Variants in CACNG3 observed in about 807,000 individuals in gnomAD.
The protein encoded by CACNG3 is calcium voltage-gated channel auxiliary subunit gamma 3, also known as voltage-dependent calcium channel gamma-3 subunit.
A neutral mutation model predicts 28.5 loss-of-function variants in CACNG3; 3 were observed. That is an observed-to-expected ratio of 0.11 (90% CI 0.05 to 0.27). The LOEUF is 0.27. Among genes scored for constraint, CACNG3 ranks in the 10% least tolerant of loss-of-function variants. The probability of loss-of-function intolerance (pLI) is 1.00; values close to 1 mark genes in which losing one functional copy is unlikely to be tolerated. For missense variants in CACNG3, 236 were observed against 414.4 expected, an observed-to-expected ratio of 0.57 and a Z score of 3.74; for synonymous variants, 174 against 162.2, an observed-to-expected ratio of 1.07 and a Z score of -0.55.
At chr16:24,351,875 C>G (rs1413242281) in intron 2 of CACNG3, among the ~76,000 whole-genome samples, 1 of 139,374 alleles carries the variant, frequency 7.2e-6, no homozygotes, top group Non-Finnish European at 1.5e-5. Context: ...CGCAGTGGCG[C>G]GATCTCGGCT....
chr16:24,268,056 T>C (rs560339419), intron 1 of CACNG3, among the ~76,000 whole-genome samples: 1 of 152,066 alleles, frequency 6.6e-6, no homozygotes, highest in East Asian at 1.9e-4. Flanking sequence ...GGATGCACTT[T>C]ACAATTATTA....
intron 2 of CACNG3, among the ~76,000 whole-genome samples, chr16:24,354,319 C>T (rs1177154882): frequency 2.0e-5 from 3 of 152,124 alleles, no homozygotes; most frequent in Admixed American, 2.0e-4. Flanking sequence ...GGGACATTCT[C>T]CCAGTGAGCG....
chr16:24,280,821 C>CAAAAAAAAAAAAAAA (rs71154295), intron 1 of CACNG3, among the ~76,000 whole-genome samples: 2 of 55,646 alleles, frequency 3.6e-5, no homozygotes, highest in African/African-American at 1.5e-4. Flanking sequence ...GAGTTTGTCT[C>CAAAAAAAAAAAAAAA]AAAAAAAAAA....
chr16:24,285,249 T>C (rs1411127686), intron 1 of CACNG3, among the ~76,000 whole-genome samples: 1 of 152,228 alleles, frequency 6.6e-6, no homozygotes, highest in Non-Finnish European at 1.5e-5. Context: ...TTCTTAGCTA[T>C]GTGGTCTCCA....
intron 2 of CACNG3, among the ~76,000 whole-genome samples, chr16:24,352,424 T>C (rs1180953844): frequency 6.6e-6 from 1 of 152,044 alleles, no homozygotes; most frequent in Non-Finnish European, 1.5e-5. Flanking sequence ...ACTTTCAAAA[T>C]ATAAAGTACA....
rs1899391606 is a variant in CACNG3 at position 24,317,652 on chromosome 16, G to GA, written c.212-29079dup. On this transcript the variant is annotated intron_variant, in intron 1 of 3. Coordinates refer to ENST00000005284, the MANE Select transcript of CACNG3 (RefSeq NM_006539.4). Reference sequence around the variant, plus strand: ...ACAGACAGAAAGAAAGAAAAGAAAAGAAAGAAAGAAAGAAAGAAAGAAAGA... The same window carrying GA: ...ACAGACAGAAAGAAAGAAAAGAAAAGAAAAGAAAGAAAGAAAGAAAGAAAGA... Among the ~76,000 whole-genome samples the GA allele has an allele frequency of 8.6e-4, 36 of 41,938 alleles. 2 individuals carry two copies. The highest frequency in any genetic ancestry group is 2.7e-3 in the South Asian group (4 of 1,490). The allele number at this position is 41,938 out of a possible 152,430, so 27.5% of individuals were successfully genotyped here.
chr16:24,277,308 A>T (rs1019050988), intron 1 of CACNG3, among the ~76,000 whole-genome samples: 8 of 152,300 alleles, frequency 5.3e-5, no homozygotes, highest in African/African-American at 1.9e-4. Context: ...CTCGACAGGA[A>T]CATTTGGTAA....
intron 3 of CACNG3, among the ~76,000 whole-genome samples, chr16:24,357,105 A>T (rs1210455361): frequency 6.6e-6 from 1 of 151,840 alleles, no homozygotes; most frequent in Non-Finnish European, 1.5e-5. Flanking sequence ...GTGGTGGTGC[A>T]GGCCTGTAGT....
intron 1 of CACNG3, among the ~76,000 whole-genome samples, chr16:24,311,032 A>C (rs572897724): frequency 2.1e-4 from 32 of 152,310 alleles, no homozygotes; most frequent in African/African-American, 7.7e-4. Flanking sequence ...GGAAGCAGGA[A>C]GCCAGCCCAG....
At position 24,296,296 on chromosome 16, in the gene CACNG3, A is replaced by G. The variant is rs562304603; in HGVS notation, c.211+39331A>G. ...TTGCCCTGAGAGTCTACAACTTTCC[A>G]TCTTGTTCTCCTTCTGTAAATTTGT... On this transcript the variant is annotated intron_variant, in intron 1 of 3. Transcript: ENST00000005284. 5.3e-5 allele frequency among the ~76,000 whole-genome samples: 8 copies of G among 152,266 alleles called. No homozygotes were observed. The East Asian group carries it at 1.4e-3, about 26-fold the overall frequency.
chr16:24,274,818 G>A (rs749733660), intron 1 of CACNG3, among the ~76,000 whole-genome samples: 2 of 152,154 alleles, frequency 1.3e-5, no homozygotes, highest in East Asian at 1.9e-4. Flanking sequence ...CAAGAGCCTC[G>A]TGGGACGTTA....
At chr16:24,312,931 G>GAAAA (rs1899286591) in intron 1 of CACNG3, among the ~76,000 whole-genome samples, 1 of 86,480 alleles carries the variant, frequency 1.2e-5, no homozygotes, top group African/African-American at 4.1e-5. Context: ...AAGAAAGAAA[G>GAAAA]AAAGAAAGAA....
chr16:24,326,138 G>A (rs1364711666), intron 1 of CACNG3, among the ~76,000 whole-genome samples: 2 of 151,524 alleles, frequency 1.3e-5, no homozygotes, highest in East Asian at 3.9e-4. Flanking sequence ...CCACTCAATG[G>A]AAAATAACAT....
rs909749918 is a variant in CACNG3 at position 24,358,969 on chromosome 16, C to T, written c.437-2383C>T. Among the ~76,000 whole-genome samples, 59 of 152,244 alleles carry T rather than the reference C, an allele frequency of 3.9e-4. 1 individual carries two copies. Among genetic ancestry groups the T allele is most frequent in the Admixed American group, 2.3e-3 (35 of 15,288 alleles). On this transcript the variant is annotated intron_variant, in intron 3 of 3. Coordinates refer to ENST00000005284, the MANE Select transcript of CACNG3 (RefSeq NM_006539.4). ...TGCACAGTGTGTGGCACATGGTAAGCGCCCTGTAAATAATTGGCAATTCGC... is the reference window on the plus strand; with the variant it reads ...TGCACAGTGTGTGGCACATGGTAAGTGCCCTGTAAATAATTGGCAATTCGC...
At chr16:24,296,996 G>A (rs1403136483) in intron 1 of CACNG3, among the ~76,000 whole-genome samples, 1 of 152,128 alleles carries the variant, frequency 6.6e-6, no homozygotes, top group Non-Finnish European at 1.5e-5. Context: ...TGGGTACAGT[G>A]GCCTGCACCT....
At chr16:24,266,277 AC>A in intron 1 of CACNG3, among the ~76,000 whole-genome samples, 1 of 152,360 alleles carries the variant, frequency 6.6e-6, no homozygotes, top group Admixed American at 6.5e-5. Flanking sequence ...TGGGTGACCC[AC>A]CACAGGCAGC....
At chr16:24,313,100 G>GAAGGAAGGAAGGAAGC (rs1899297103) in intron 1 of CACNG3, among the ~76,000 whole-genome samples, 1 of 151,602 alleles carries the variant, frequency 6.6e-6, no homozygotes, top group Non-Finnish European at 1.5e-5. Flanking sequence ...AGGAAGGAAG[G>GAAGGAAGGAAGGAAGC]AAGGAAGGAA....
chr16:24,262,646 G>T (rs1220441058), intron 1 of CACNG3, among the ~76,000 whole-genome samples: 2 of 152,134 alleles, frequency 1.3e-5, no homozygotes, highest in Non-Finnish European at 2.9e-5. Context: ...CATTCTGATT[G>T]TCTGGTCTTG....
intron 1 of CACNG3, among the ~76,000 whole-genome samples, chr16:24,293,118 G>A (rs1014995904): frequency 7.9e-5 from 12 of 152,206 alleles, no homozygotes; most frequent in African/African-American, 2.4e-4. Context: ...TCCCATCTAA[G>A]CCAAGAAGTT....
Sources: allele counts gnomAD v4.1 joint callset (sites outside exome capture counted in the v4.1 genomes callset), GRCh38; gene constraint gnomAD v4.1.1; transcripts MANE v1.5; gene names NCBI Gene and HGNC (gene_info 2026-07-23, HGNC 2026-07-21).